The following MEAK7 variants were observed in gnomAD, a reference collection of about 807,000 sequenced individuals.
The protein encoded by MEAK7 is MTOR associated protein MEAK7.
In MEAK7, 68 loss-of-function variants were observed where a neutral mutation model predicts 40.5. That is an observed-to-expected ratio of 1.68 (90% CI 1.38 to 2.06). The LOEUF (loss-of-function observed/expected upper bound fraction) is 2.06, where lower values mean the gene tolerates loss of function less well. Ranked by LOEUF, MEAK7 falls within the 30% of genes most tolerant of loss-of-function variation. The probability of loss-of-function intolerance (pLI) is 0.00; values close to 1 mark genes in which losing one functional copy is unlikely to be tolerated. For synonymous variants in MEAK7, 338 were observed against 231.9 expected (o/e 1.46, Z -4.16); for missense variants, 918 against 580.5 (o/e 1.58, Z -5.98).
In MEAK7 at chr16:84,487,091, G is replaced by C. The variant is rs747591895; in HGVS notation, c.530-32C>G. ...GAAGGGGATGGTCAGCATTAGTGGG[G>C]CTGTTATGTCACCATTTAGCTACTA... On this transcript the variant is annotated intron_variant, in intron 4 of 7. Coordinates refer to ENST00000343629, the MANE Select transcript of MEAK7 (RefSeq NM_020947.4). The C allele has an allele frequency of 4.4e-6, 7 of 1,577,884 alleles. No homozygotes were observed. The Admixed American group carries it at 1.1e-4, about 24-fold the overall frequency.
At chr16:84,497,200 A>AGGATG (rs565877468) in intron 2 of MEAK7, 35 of 339,452 alleles carry the variant, frequency 1.0e-4, no homozygotes, top group South Asian at 7.9e-4. Flanking sequence ...GGAGGCTGCT[A>AGGATG]GGATGGCTGC....
chr16:84,497,961 G>C lies in MEAK7; in HGVS notation c.126C>G (p.Ser42=). Residue 42 remains serine (S), a synonymous_variant, in exon 2 of 8, where the codon TCC becomes TCG. Transcript: ENST00000343629. ...SSDKNSPNVS[S]KSFSLKALQN... ...GTAGTGCCTTCAGAGAGAAGGATTTGGATGAGACATTCGGGCTGTTTTTAT... is the reference window on the plus strand; with the variant it reads ...GTAGTGCCTTCAGAGAGAAGGATTTCGATGAGACATTCGGGCTGTTTTTAT... 1 of 1,614,184 alleles carries C rather than the reference G, an allele frequency of 6.2e-7. No individual in the cohort carries two copies. The highest frequency in any genetic ancestry group is 8.5e-7 in the Non-Finnish European group (1 of 1,180,036).
At chr16:84,490,537 G>A (rs1389178990) in intron 3 of MEAK7, among the ~76,000 whole-genome samples, 3 of 129,184 alleles carry the variant, frequency 2.3e-5, no homozygotes, top group African/African-American at 8.9e-5. Context: ...TGATATTTGT[G>A]TTACTTTTGA....
chr16:84,486,435 C>T, intron 5 of MEAK7, 196 bp downstream of exon 5: 2 of 1,372,546 alleles, frequency 1.5e-6, no homozygotes, highest in African/African-American at 1.5e-5. Context: ...CTGGGGGTCA[C>T]ACGGCCTGTC....
chr16:84,483,839 G>C (rs989691853), intron 5 of MEAK7, among the ~76,000 whole-genome samples: 2 of 152,192 alleles, frequency 1.3e-5, no homozygotes, highest in African/African-American at 2.4e-5. Context: ...GTGTGGGACA[G>C]GTACGGAACA....
Position 84,485,498 on chromosome 16 carries a change from G to A in MEAK7, c.958+1133C>T, listed in dbSNP as rs954823467. On this transcript the variant is annotated intron_variant, in intron 5 of 7. Coordinates refer to ENST00000343629, the MANE Select transcript of MEAK7 (RefSeq NM_020947.4). ...AACCTCTGCCTGGTGGAGAAATGACGATTCCAGAGGTGCGGGGTAAGATAC... is the reference window on the plus strand; with the variant it reads ...AACCTCTGCCTGGTGGAGAAATGACAATTCCAGAGGTGCGGGGTAAGATAC... Among the ~76,000 whole-genome samples the A allele has an allele frequency of 2.6e-5, 4 of 152,254 alleles. No homozygotes were observed. In the East Asian group the frequency reaches 5.8e-4, roughly 22 times the overall value.
chr16:84,496,340 G>A (rs767880252), intron 2 of MEAK7, among the ~76,000 whole-genome samples: 55 of 152,074 alleles, frequency 3.6e-4, no homozygotes, highest in Admixed American at 6.5e-4. Flanking sequence ...ATCAGACATC[G>A]CCTCCTCCAG....
intron 1 of MEAK7, among the ~76,000 whole-genome samples, chr16:84,501,105 GAAAAAAAAA>G (rs35447624): frequency 1.5e-3 from 159 of 103,660 alleles, no homozygotes; most frequent in African/African-American, 5.5e-3. Flanking sequence ...AAAAAAAAAA[GAAAAAAAAA>G]AAAAAAAAAA....
intron 2 of MEAK7, 119 bp downstream of exon 2, chr16:84,497,815 A>G (rs1460439201): frequency 4.1e-6 from 6 of 1,481,292 alleles, no homozygotes; most frequent in East Asian, 2.3e-5. Context: ...CAGAAAACCA[A>G]CTTTTCAGTG....
rs1474833173 is a variant in MEAK7 at position 84,495,663 on chromosome 16, G to A, written c.384+20C>T. On this transcript the variant is annotated intron_variant, in intron 3 of 7. Transcript: ENST00000343629. Reference sequence around the variant, plus strand: ...CCAAGACTGCTGAGGAGGCTGCAAAGGACCTCGCGGCCTCACTACCTTTTG... The same window carrying A: ...CCAAGACTGCTGAGGAGGCTGCAAAAGACCTCGCGGCCTCACTACCTTTTG... 3 of 1,612,852 alleles carry A rather than the reference G, an allele frequency of 1.9e-6. No homozygotes were observed. Among genetic ancestry groups the A allele is most frequent in the South Asian group, 2.2e-5 (2 of 91,004 alleles).
At chr16:84,498,199 A>G (rs1914215224) in intron 1 of MEAK7, 88 bp from the exon 2 acceptor site, 2 of 1,413,856 alleles carry the variant, frequency 1.4e-6, no homozygotes, top group East Asian at 2.3e-5. Flanking sequence ...TCAAGTTAAT[A>G]TATACTGATA....
At position 84,479,817 on chromosome 16, in the gene MEAK7, T is replaced by G. The variant is rs557706141; in HGVS notation, c.*96A>C. 20 of 915,002 alleles carry G rather than the reference T, an allele frequency of 2.2e-5. No homozygotes were observed. The highest frequency in any genetic ancestry group is 3.1e-5 in the Non-Finnish European group (19 of 621,736). 56.7% of individuals were successfully genotyped at this position (915,002 alleles called of 1,614,324 possible). ...GGCTGTGACCCGTGCGGTACGCTATTACAGTTAAACCATGTGGGAGGGAAG... is the reference window on the plus strand; with the variant it reads ...GGCTGTGACCCGTGCGGTACGCTATGACAGTTAAACCATGTGGGAGGGAAG... On this transcript the variant is annotated 3_prime_UTR_variant, in exon 8 of 8. Transcript: ENST00000343629.
At chr16:84,501,620 G>A (rs1312599267) in intron 1 of MEAK7, among the ~76,000 whole-genome samples, 1 of 152,158 alleles carries the variant, frequency 6.6e-6, no homozygotes, top group African/African-American at 2.4e-5. Context: ...CTTGGACGCA[G>A]AGCCAGGCTG....
At chr16:84,503,336 G>A (rs572065225) in intron 1 of MEAK7, among the ~76,000 whole-genome samples, 2 of 152,298 alleles carry the variant, frequency 1.3e-5, no homozygotes, top group African/African-American at 4.8e-5. Flanking sequence ...ACCCTGGCCT[G>A]CCTTCAGTAA....
rs1912142983 is a variant in MEAK7, at chr16:84,477,070, T to G, written c.*2843A>C. ...CCATGCCTGGTTAATTTTCGTATTT[T>G]TTTTTGTAGAGATGGGTTTTCGCCA... is the stretch of plus-strand genomic sequence containing the variant. On this transcript the variant is annotated 3_prime_UTR_variant, in exon 8 of 8. Transcript: ENST00000343629. The G allele has an allele frequency of 6.6e-6, 1 of 152,256 alleles. No individual in the cohort carries two copies. The highest frequency in any genetic ancestry group is 1.5e-5 in the Non-Finnish European group (1 of 68,088). 9.4% of individuals were successfully genotyped at this position (152,256 alleles called of 1,614,324 possible).
intron 1 of MEAK7, 109 bp from the exon 2 acceptor site, chr16:84,498,220 A>T: frequency 1.5e-6 from 2 of 1,292,762 alleles, no homozygotes; most frequent in Non-Finnish European, 2.1e-6. Context: ...TAGCCACAAA[A>T]TGTAGCTAAA....
In MEAK7 at chr16:84,486,720, C is replaced by A. The variant is rs1257550036; in HGVS notation, c.869G>T (p.Gly290Val). The change falls in exon 5 of 8, where the codon GGA (glycine) becomes GTA (valine). Residue 290 changes from glycine to valine, a missense_variant. By Grantham distance (109) the Gly-to-Val change is moderately radical (BLOSUM62 -3). Transcript: ENST00000343629. ...SQLCGHITHRGPCVAVLEDHD... is the reference protein window; with the variant it reads ...SQLCGHITHRVPCVAVLEDHD... Reference sequence around the variant, plus strand: ...GTCCTCGAGGACAGCCACACAGGGTCCCCGGTGAGTGATGTGGCCACAGAG... The same window carrying A: ...GTCCTCGAGGACAGCCACACAGGGTACCCGGTGAGTGATGTGGCCACAGAG... 2 of 1,613,472 alleles carry A rather than the reference C, an allele frequency of 1.2e-6. No individual in the cohort carries two copies. The highest frequency in any genetic ancestry group is 1.3e-5 in the African/African-American group (1 of 74,896).
At chr16:84,498,183 A>T in intron 1 of MEAK7, 72 bp from the exon 2 acceptor site, 2 of 1,499,608 alleles carry the variant, frequency 1.3e-6, no homozygotes, top group Admixed American at 2.2e-5. Flanking sequence ...GTTGAGAATT[A>T]TATGGTCAAG....
chr16:84,499,333 A>G (rs1460956071), intron 1 of MEAK7, among the ~76,000 whole-genome samples: 2 of 152,164 alleles, frequency 1.3e-5, no homozygotes, highest in African/African-American at 2.4e-5. Context: ...TGCTGGAGAG[A>G]AAACGACCTT....
Sources: gnomAD v4.1 joint callset for allele counts (sites outside exome capture counted in the v4.1 genomes callset) on GRCh38, gnomAD v4.1.1 for gene constraint, MANE v1.5 for transcripts, NCBI Gene and HGNC (gene_info 2026-07-23, HGNC 2026-07-21) for gene names.